Variants in DPYD observed in about 807,000 individuals in gnomAD.
DPYD encodes the protein dihydropyrimidine dehydrogenase [NADP(+)].
DPYD carries 109 observed loss-of-function variants against 116.2 expected under a neutral mutation model. The ratio of observed to expected loss-of-function variants is 0.94; its 90% CI spans 0.80 to 1.10. The LOEUF (loss-of-function observed/expected upper bound fraction) is 1.10, where lower values mean the gene tolerates loss of function less well. DPYD is among the 50% of genes least tolerant of loss of function. The pLI is 0.00. For synonymous variants in DPYD, 440 were observed against 432.0 expected (o/e 1.02, Z -0.23); for missense variants, 1,302 against 1,254.5 (o/e 1.04, Z -0.57).
At chr1:97,186,906 C>T (rs1336629157) in intron 20 of DPYD, among the ~76,000 whole-genome samples, 2 of 151,974 alleles carry the variant, frequency 1.3e-5, no homozygotes, top group African/African-American at 2.4e-5. Flanking sequence ...CCAGATCCAT[C>T]GATGTTGCTA....
chr1:97,852,499 G>C (rs1448576331), intron 2 of DPYD, among the ~76,000 whole-genome samples: 1 of 152,022 alleles, frequency 6.6e-6, no homozygotes, highest in East Asian at 1.9e-4. Flanking sequence ...TAATAACATG[G>C]AATCTATTAC....
At chr1:97,594,984 G>A in intron 9 of DPYD, 75 bp downstream of exon 9, 1 of 1,216,222 alleles carries the variant, frequency 8.2e-7, no homozygotes, top group Admixed American at 1.7e-5. Flanking sequence ...GTGCTGCTGA[G>A]CTTGATTTTG....
At chr1:97,222,794 T>C (rs921760084) in intron 19 of DPYD, among the ~76,000 whole-genome samples, 3 of 152,104 alleles carry the variant, frequency 2.0e-5, no homozygotes, top group Admixed American at 1.3e-4. Context: ...AGAAATTGCA[T>C]AATGGAAAGA....
intron 10 of DPYD, among the ~76,000 whole-genome samples, chr1:97,580,581 C>T (rs898781798): frequency 5.3e-5 from 8 of 152,162 alleles, no homozygotes; most frequent in South Asian, 4.1e-4. Flanking sequence ...GTATGACAAA[C>T]ATTATTTGCT....
chr1:97,320,180 G>T (rs1352166699), intron 16 of DPYD, among the ~76,000 whole-genome samples: 3 of 127,316 alleles, frequency 2.4e-5, no homozygotes, highest in East Asian at 2.4e-4. Context: ...CACAAGACAG[G>T]GATGCCCTCT....
chr1:97,301,734 T>C (rs1666876867), intron 18 of DPYD, among the ~76,000 whole-genome samples: 1 of 141,806 alleles, frequency 7.1e-6, no homozygotes, highest in Non-Finnish European at 1.6e-5. Context: ...GAAAGACATC[T>C]TTAGCTTATG....
chr1:97,717,151 T>C (rs1387958539), intron 5 of DPYD, among the ~76,000 whole-genome samples: 1 of 152,080 alleles, frequency 6.6e-6, no homozygotes, highest in Non-Finnish European at 1.5e-5. Flanking sequence ...AGATCTACTG[T>C]TCAGTAGCAC....
At chr1:97,849,491 T>G (rs1280320716) in intron 2 of DPYD, among the ~76,000 whole-genome samples, 1 of 152,150 alleles carries the variant, frequency 6.6e-6, no homozygotes, top group Non-Finnish European at 1.5e-5. Context: ...AAGAGCCATT[T>G]CTACATTCAT....
chr1:97,870,834 A>C (rs1271669615), intron 2 of DPYD, among the ~76,000 whole-genome samples: 1 of 151,848 alleles, frequency 6.6e-6, no homozygotes, highest in African/African-American at 2.4e-5. Context: ...ACTGTGATTA[A>C]AAACGCTGCT....
At chr1:97,459,248 A>G (rs1029601663) in intron 13 of DPYD, among the ~76,000 whole-genome samples, 4 of 152,156 alleles carry the variant, frequency 2.6e-5, no homozygotes, top group Admixed American at 2.0e-4. Flanking sequence ...ACCTGAAAGC[A>G]AACAAATGTG....
intron 18 of DPYD, among the ~76,000 whole-genome samples, chr1:97,246,853 A>G (rs1027742408): frequency 2.6e-5 from 4 of 152,144 alleles, no homozygotes; most frequent in Non-Finnish European, 5.9e-5. Context: ...AATAAAAATA[A>G]TATTCCTATT....
At chr1:97,749,562 T>C (rs554903266) in intron 3 of DPYD, among the ~76,000 whole-genome samples, 49 of 152,324 alleles carry the variant, frequency 3.2e-4, no homozygotes, top group African/African-American at 9.9e-4. Context: ...CTATATCTTA[T>C]ATACCACATT....
chr1:97,241,875 G>C (rs925441458), intron 18 of DPYD, among the ~76,000 whole-genome samples: 1 of 151,544 alleles, frequency 6.6e-6, no homozygotes, highest in African/African-American at 2.4e-5. Context: ...GTCAAAGCCA[G>C]AGAAAATTGA....
At chr1:97,316,513 CAATAAA>C (rs1667853158) in intron 16 of DPYD, among the ~76,000 whole-genome samples, 2 of 124,272 alleles carry the variant, frequency 1.6e-5, no homozygotes, top group South Asian at 6.0e-4. Flanking sequence ...GACTCTGTCT[CAATAAA>C]ATAAAATAAA....
intron 3 of DPYD, among the ~76,000 whole-genome samples, chr1:97,802,527 C>T (rs1667891903): frequency 2.0e-5 from 3 of 151,852 alleles, no homozygotes. Context: ...GCAGCTTGTA[C>T]TACTCAAAGC....
chr1:97,689,191 T>C (rs1375975151), intron 7 of DPYD, among the ~76,000 whole-genome samples: 1 of 151,788 alleles, frequency 6.6e-6, no homozygotes, highest in Non-Finnish European at 1.5e-5. Context: ...AAATTAATCT[T>C]AGAACTAACA....
Position 97,255,938 on chromosome 1 carries a change from G to C in DPYD, c.2300-20944C>G, listed in dbSNP as rs896973121. Among the ~76,000 whole-genome samples the C allele has an allele frequency of 3.9e-5, 6 of 152,016 alleles. No individual in the cohort carries two copies. In the East Asian group the frequency reaches 1.2e-3, roughly 30 times the overall value. ...AGTTCATCATTTCATTTTCGGGCAG[G>C]GCTAGCCCAAATGGGTGACAATTTC... is the stretch of plus-strand genomic sequence containing the variant. On this transcript the variant is annotated intron_variant, in intron 18 of 22. Coordinates refer to ENST00000370192, the MANE Select transcript of DPYD (RefSeq NM_000110.4).
intron 14 of DPYD, among the ~76,000 whole-genome samples, chr1:97,391,045 C>CTTT (rs199503697): frequency 8.5e-6 from 1 of 117,652 alleles, no homozygotes; most frequent in East Asian, 3.3e-4. Flanking sequence ...ACTTACTTTT[C>CTTT]CTCTTTTTTT....
intron 10 of DPYD, among the ~76,000 whole-genome samples, chr1:97,589,170 GGAT>G (rs1654343152): frequency 6.6e-6 from 1 of 152,146 alleles, no homozygotes; most frequent in Non-Finnish European, 1.5e-5. Context: ...AGAGTCTATT[GGAT>G]GATGTCTCCT....
Sources: allele counts gnomAD v4.1 joint callset (sites outside exome capture counted in the v4.1 genomes callset), GRCh38; gene constraint gnomAD v4.1.1; transcripts MANE v1.5; gene names NCBI Gene and HGNC (gene_info 2026-07-23, HGNC 2026-07-21).